PTK2B: variants seen among roughly 807,000 people sequenced by gnomAD.
PTK2B encodes protein-tyrosine kinase 2-beta.
A neutral mutation model predicts 142.9 loss-of-function variants in PTK2B; 71 were observed. The ratio of observed to expected loss-of-function variants is 0.50; its 90% CI spans 0.41 to 0.61. The LOEUF (loss-of-function observed/expected upper bound fraction) is 0.61. Among genes scored for constraint, PTK2B ranks in the 20% least tolerant of loss-of-function variants. PTK2B has a pLI of 0.00. For synonymous variants in PTK2B, 519 were observed against 503.4 expected (o/e 1.03, Z -0.42); for missense variants, 1,105 against 1,320.4 (o/e 0.84, Z 2.53).
chr8:27,427,059 A>G (rs1810127660), intron 5 of PTK2B, among the ~76,000 whole-genome samples: 1 of 152,206 alleles, frequency 6.6e-6, no homozygotes, highest in African/African-American at 2.4e-5. Flanking sequence ...GCTGGGAAGC[A>G]GATCTCACCC....
chr8:27,363,823 G>A lies in PTK2B; in HGVS notation c.-37-33725G>A, dbSNP rs543713829. On this transcript the variant is annotated intron_variant, in intron 1 of 30. Coordinates refer to ENST00000346049, the MANE Select transcript of PTK2B (RefSeq NM_173176.3). This position sits in a 1 kb window ranked among gnomAD's most constrained non-coding sequence, Gnocchi z 4.3. ...GGACATGTTCATGTGAATTCTCACC[G>A]GTGGCTTCACCCACCCCCAGTCCTG... Among the ~76,000 whole-genome samples the A allele has an allele frequency of 1.3e-5, 2 of 152,258 alleles. No individual in the cohort carries two copies. The highest frequency in any genetic ancestry group is 1.9e-4 in the East Asian group (1 of 5,188).
chr8:27,380,562 G>T (rs181835811), intron 1 of PTK2B: 1 of 151,748 alleles, frequency 6.6e-6, no homozygotes, highest in Non-Finnish European at 1.5e-5. Flanking sequence ...TTACCCAAGC[G>T]CCTTTTTTCC....
chr8:27,311,203 A>C (rs201297009), upstream of PTK2B: 566 of 1,594,502 alleles, frequency 3.5e-4, 1 homozygote, highest in Non-Finnish European at 3.0e-4. Flanking sequence ...AGGAGCGGGA[A>C]GGCCCGGGGG....
upstream of PTK2B, chr8:27,311,288 C>CCGCCCGGCTGCCAA (rs1168585468): frequency 1.9e-5 from 28 of 1,448,742 alleles, no homozygotes; most frequent in African/African-American, 4.0e-4. Context: ...CCCCTCCCAC[C>CCGCCCGGCTGCCAA]CGCCCGGCTG....
chr8:27,441,969 G>A (rs1439988976), intron 21 of PTK2B, among the ~76,000 whole-genome samples: 1 of 152,084 alleles, frequency 6.6e-6, no homozygotes, highest in Admixed American at 6.5e-5. Flanking sequence ...GTGGGAGCAG[G>A]TTTCTGGTGT....
At position 27,431,474 on chromosome 8, in the gene PTK2B, TAG is replaced by T; in HGVS notation, c.885+8_885+9del. The T allele has an allele frequency of 6.2e-7, 1 of 1,613,968 alleles. No individual in the cohort carries two copies. On this transcript the variant is annotated splice_donor_region_variant and intron_variant, in intron 9 of 30. Coordinates refer to ENST00000346049, the MANE Select transcript of PTK2B (RefSeq NM_173176.3). ...CAGCTGACTAGTCAGGACGCAAAGG[TAG>T]AGAGACCCGGGGCAGCCCCACCCAG...
chr8:27,453,660 G>A (rs1252115192), intron 28 of PTK2B, among the ~76,000 whole-genome samples: 1 of 152,176 alleles, frequency 6.6e-6, no homozygotes, highest in Non-Finnish European at 1.5e-5. Flanking sequence ...CAGGAGGATC[G>A]CTTGAGCCCA....
chr8:27,413,613 A>G (rs1809201771), intron 2 of PTK2B, among the ~76,000 whole-genome samples: 2 of 152,170 alleles, frequency 1.3e-5, no homozygotes, highest in Admixed American at 6.5e-5. Flanking sequence ...TTCTTGGTGC[A>G]TCGAGACAGG....
rs564812773 is a variant in PTK2B, at chr8:27,376,178, A to G, written c.-37-21370A>G. ...AAAGTCCTCAGAACCCAAGACCTAGACCCAGACAACAGGGAGCTGTAGAGT... is the reference window on the plus strand; with the variant it reads ...AAAGTCCTCAGAACCCAAGACCTAGGCCCAGACAACAGGGAGCTGTAGAGT... On this transcript the variant is annotated intron_variant, in intron 1 of 30. Transcript: ENST00000346049. 5.3e-5 allele frequency among the ~76,000 whole-genome samples: 8 copies of G among 152,320 alleles called. No homozygotes were observed. In the East Asian group the frequency reaches 1.4e-3, roughly 26 times the overall value.
At chr8:27,323,340 G>C (rs1803265972), upstream of PTK2B, 1 of 152,172 alleles carries the variant, frequency 6.6e-6, no homozygotes, top group Admixed American at 6.5e-5. Context: ...GGTAAGAGTG[G>C]AACATCCAAA....
At chr8:27,403,320 T>C (rs1389731425) in intron 2 of PTK2B, among the ~76,000 whole-genome samples, 1 of 152,190 alleles carries the variant, frequency 6.6e-6, no homozygotes, top group Non-Finnish European at 1.5e-5. Flanking sequence ...ACAGTCCACA[T>C]GGCAACACAT....
chr8:27,390,116 G>A (rs1014552782), intron 1 of PTK2B, among the ~76,000 whole-genome samples: 3 of 152,190 alleles, frequency 2.0e-5, no homozygotes, highest in African/African-American at 7.2e-5. Flanking sequence ...TGTCTCCTGG[G>A]AAGCTTCCTT....
chr8:27,388,904 A>C (rs1179859385), intron 1 of PTK2B, among the ~76,000 whole-genome samples: 1 of 152,140 alleles, frequency 6.6e-6, no homozygotes, highest in Non-Finnish European at 1.5e-5. Context: ...ATGTTCAAAA[A>C]TTTCTTAGCA....
At chr8:27,420,482 C>T (rs1230266429) in intron 3 of PTK2B, among the ~76,000 whole-genome samples, 175 bp from the exon 4 acceptor site, 1 of 152,188 alleles carries the variant, frequency 6.6e-6, no homozygotes, top group Non-Finnish European at 1.5e-5. Context: ...TGGTCTCCAG[C>T]CCAACCGCAG....
chr8:27,451,745 G>T, intron 27 of PTK2B: 2 of 1,384,322 alleles, frequency 1.4e-6, no homozygotes, highest in Non-Finnish European at 1.9e-6. Flanking sequence ...ACATCCTTAG[G>T]CCCCTCCTCA....
At chr8:27,326,658 G>T (rs1348775501) in intron 1 of PTK2B, among the ~76,000 whole-genome samples, 1 of 152,192 alleles carries the variant, frequency 6.6e-6, no homozygotes, top group Non-Finnish European at 1.5e-5. Flanking sequence ...CTCTACGTGG[G>T]ATGCTCTCTG....
Position 27,432,342 on chromosome 8 carries a change from G to A in PTK2B, c.968G>A (p.Gly323Asp), listed in dbSNP as rs759952753. The A allele has an allele frequency of 1.2e-6, 2 of 1,613,886 alleles. No individual in the cohort carries two copies. Among genetic ancestry groups the A allele is most frequent in the Non-Finnish European group, 1.7e-6 (2 of 1,180,026 alleles). The change falls in exon 10 of 31, where the codon GGC (glycine) becomes GAC (aspartate). Residue 323 changes from glycine (G) to aspartate (D), a missense_variant. Gly to Asp is a moderately conservative substitution (Grantham distance 94). Transcript: ENST00000346049. ...GAGGGCCAGGCAGTACTTCAGCTGG[G>A]CATTGAAGGTGCCCCCCAGGTGAGT... is the stretch of plus-strand genomic sequence containing the variant. ...LEEGQAVLQLGIEGAPQALSI... is the reference protein window; with the variant it reads ...LEEGQAVLQLDIEGAPQALSI...
chr8:27,368,225 A>C (rs557598412), intron 1 of PTK2B, among the ~76,000 whole-genome samples: 5 of 152,160 alleles, frequency 3.3e-5, no homozygotes, highest in Non-Finnish European at 1.5e-5. Flanking sequence ...TATGTCCCCA[A>C]ATATCCTGCT....
At chr8:27,416,097 A>C (rs1284698741) in intron 2 of PTK2B, among the ~76,000 whole-genome samples, 1 of 152,182 alleles carries the variant, frequency 6.6e-6, no homozygotes, top group South Asian at 2.1e-4. Flanking sequence ...ATTAAAAAAA[A>C]ATGCCAGTTC....
Sources: gnomAD v4.1 joint callset for allele counts (sites outside exome capture counted in the v4.1 genomes callset) on GRCh38, gnomAD v4.1.1 for gene constraint, Gnocchi (gnomAD v3.1) non-coding constraint, MANE v1.5 for transcripts, NCBI Gene and HGNC (gene_info 2026-07-23, HGNC 2026-07-21) for gene names.